PKIA: variants seen among roughly 807,000 people sequenced by gnomAD.
PKIA encodes PKI-alpha.
Under a neutral mutation model 7.6 loss-of-function variants are expected in PKIA, and 4 were observed. The observed-to-expected ratio is 0.52, with a 90% confidence interval of 0.26 to 1.20. The LOEUF (loss-of-function observed/expected upper bound fraction) is 1.20. Among genes scored for constraint, PKIA ranks in the 50% most tolerant of loss-of-function variants. PKIA has a pLI of 0.13. For synonymous variants in PKIA, 21 were observed against 30.7 expected, an observed-to-expected ratio of 0.68 and a Z score of 1.04; for missense variants, 73 against 86.2, an observed-to-expected ratio of 0.85 and a Z score of 0.61.
intron 1 of PKIA, among the ~76,000 whole-genome samples, chr8:78,570,460 G>T (rs1807519270): frequency 1.3e-5 from 2 of 152,096 alleles, no homozygotes; most frequent in Non-Finnish European, 2.9e-5. Context: ...TTATATTAAT[G>T]AACTATTAAC....
intron 1 of PKIA, among the ~76,000 whole-genome samples, chr8:78,529,116 A>G (rs1806330162): frequency 1.3e-5 from 2 of 152,070 alleles, no homozygotes; most frequent in Admixed American, 1.3e-4. Context: ...ATAACATACC[A>G]TGATATAGCT....
At chr8:78,540,383 AG>A (rs932861923) in intron 1 of PKIA, among the ~76,000 whole-genome samples, 3 of 152,012 alleles carry the variant, frequency 2.0e-5, no homozygotes, top group African/African-American at 7.2e-5. Flanking sequence ...TTTGGATGGT[AG>A]TATTTAGCTT....
At chr8:78,552,179 T>C (rs990162875) in intron 1 of PKIA, among the ~76,000 whole-genome samples, 1 of 152,016 alleles carries the variant, frequency 6.6e-6, no homozygotes, top group Non-Finnish European at 1.5e-5. Context: ...ATGATACTTA[T>C]TTTCAAAACA....
At chr8:78,601,193 C>A (rs951120080) in intron 3 of PKIA, among the ~76,000 whole-genome samples, 1 of 152,058 alleles carries the variant, frequency 6.6e-6, no homozygotes, top group African/African-American at 2.4e-5. Flanking sequence ...AACTATTTGA[C>A]AAGGGACTGG....
chr8:78,551,074 C>T (rs1242133149), intron 1 of PKIA, among the ~76,000 whole-genome samples: 1 of 151,712 alleles, frequency 6.6e-6, no homozygotes, highest in African/African-American at 2.4e-5. Context: ...TACAGTAATG[C>T]CCCTCACCTC....
intron 1 of PKIA, among the ~76,000 whole-genome samples, chr8:78,550,688 G>A (rs1054446588): frequency 6.6e-6 from 1 of 151,912 alleles, no homozygotes; most frequent in African/African-American, 2.4e-5. Context: ...AGGTTTTTGG[G>A]AGAACATGTG....
In PKIA at chr8:78,604,968, A is replaced by T. The variant is rs1256657506; in HGVS notation, c.*3147A>T. ...TGGTAATGCACCATTTTAGAAGATG[A>T]ATGATACTGCTATTTCTCTTCAGGG... On this transcript the variant is annotated 3_prime_UTR_variant, in exon 4 of 4. Transcript: ENST00000396418. The T allele has an allele frequency of 6.6e-6, 1 of 152,058 alleles. No homozygotes were observed. Among genetic ancestry groups the T allele is most frequent in the Non-Finnish European group, 1.5e-5 (1 of 67,982 alleles). The allele number at this position is 152,058 out of a possible 1,614,324, so 9.4% of individuals were successfully genotyped here. A position where few individuals can be genotyped will look rare whatever the true frequency, so the allele number is the denominator to read the frequency against.
In PKIA at chr8:78,598,364, C is replaced by T. The variant is rs763716355; in HGVS notation, c.-21C>T. Reference sequence around the variant, plus strand: ...ATTTTCCTTTCTTTTGTAGTCCCTGCTATGTGGATATTTGGTAGCAATGAC... The same window carrying T: ...ATTTTCCTTTCTTTTGTAGTCCCTGTTATGTGGATATTTGGTAGCAATGAC... On this transcript the variant is annotated 5_prime_UTR_variant, in exon 3 of 4. Transcript: ENST00000396418. 42 of 1,598,698 alleles carry T rather than the reference C, an allele frequency of 2.6e-5. No individual in the cohort carries two copies. The South Asian group carries it at 4.6e-4, about 17-fold the overall frequency.
At chr8:78,520,124 T>C (rs1809389195) in intron 1 of PKIA, among the ~76,000 whole-genome samples, 1 of 152,222 alleles carries the variant, frequency 6.6e-6, no homozygotes, top group Non-Finnish European at 1.5e-5. Flanking sequence ...TTCAGCAATT[T>C]GATTTTAGTG....
At chr8:78,517,168 C>T (rs545764666) in intron 1 of PKIA, among the ~76,000 whole-genome samples, 1 of 152,294 alleles carries the variant, frequency 6.6e-6, no homozygotes, top group South Asian at 2.1e-4. Context: ...CTGATTTTGT[C>T]AAGGTCCCAA....
rs1563565671 is a variant in PKIA, at chr8:78,524,060, A to ATATATATTAATATATATAAACG, written c.-157+7593_-157+7594insATATATTAATATATATAAACGT. ...TTTATATATATAAATATATATAAAC[A>ATATATATTAATATATATAAACG]TTTATATTTATATATAAATATAAAT... On this transcript the variant is annotated intron_variant, in intron 1 of 3. Transcript: ENST00000396418. 4.9e-4 allele frequency among the ~76,000 whole-genome samples: 40 copies of ATATATATTAATATATATAAACG among 82,120 alleles called. 6 individuals are homozygous for ATATATATTAATATATATAAACG. The highest frequency in any genetic ancestry group is 3.0e-3 in the African/African-American group (38 of 12,538). The allele number at this position is 82,120 out of a possible 152,430, so 53.9% of individuals were successfully genotyped here.
At chr8:78,533,684 C>A (rs1225762065) in intron 1 of PKIA, among the ~76,000 whole-genome samples, 1 of 151,954 alleles carries the variant, frequency 6.6e-6, no homozygotes, top group Non-Finnish European at 1.5e-5. Context: ...AGCAAGACCC[C>A]ATCTCTACAA....
chr8:78,545,594 G>T (rs1297306262), intron 1 of PKIA, among the ~76,000 whole-genome samples: 2 of 152,074 alleles, frequency 1.3e-5, no homozygotes, highest in African/African-American at 2.4e-5. Flanking sequence ...ATACTAATAT[G>T]ATACCAGTCT....
chr8:78,593,607 G>A (rs1268232960), intron 2 of PKIA, among the ~76,000 whole-genome samples: 2 of 152,160 alleles, frequency 1.3e-5, no homozygotes, highest in Admixed American at 6.6e-5. Context: ...TTGGTTAATG[G>A]TAATGCATAT....
intron 1 of PKIA, among the ~76,000 whole-genome samples, chr8:78,540,012 T>A: frequency 6.6e-6 from 1 of 150,618 alleles, no homozygotes; most frequent in African/African-American, 2.4e-5. Flanking sequence ...TTCATTGGGG[T>A]CAAGAAGAAA....
chr8:78,551,742 C>G (rs1163011889), intron 1 of PKIA, among the ~76,000 whole-genome samples: 2 of 151,958 alleles, frequency 1.3e-5, no homozygotes, highest in South Asian at 2.1e-4. Flanking sequence ...GAACCTTCAG[C>G]AATTAAATTC....
chr8:78,536,514 G>C (rs1806527375), intron 1 of PKIA, among the ~76,000 whole-genome samples: 1 of 152,062 alleles, frequency 6.6e-6, no homozygotes, highest in Non-Finnish European at 1.5e-5. Flanking sequence ...GTCTTTATTT[G>C]TGATAGTCCA....
At chr8:78,537,933 G>A (rs78783838) in intron 1 of PKIA, among the ~76,000 whole-genome samples, 5 of 151,956 alleles carry the variant, frequency 3.3e-5, no homozygotes, top group Admixed American at 6.6e-5. Context: ...AGGTTCACTT[G>A]TGAACCTTCT....
chr8:78,572,537 GCACGCA>G lies in PKIA; in HGVS notation c.-156-270_-156-265del, dbSNP rs1366484943. ...CCACCACCCCATCACAAAAAAAGCT[GCACGCA>G]CACACACACACACACACACACACAC... On this transcript the variant is annotated intron_variant, in intron 1 of 3. Transcript: ENST00000396418. 6.0e-3 allele frequency among the ~76,000 whole-genome samples: 692 copies of G among 115,636 alleles called. 4 individuals carry two copies. The highest frequency in any genetic ancestry group is 0.024 in the African/African-American group (634 of 26,030). 75.9% of individuals were successfully genotyped at this position (115,636 alleles called of 152,430 possible).
Sources: allele counts gnomAD v4.1 joint callset (sites outside exome capture counted in the v4.1 genomes callset), GRCh38; gene constraint gnomAD v4.1.1; transcripts MANE v1.5; gene names NCBI Gene and HGNC (gene_info 2026-07-23, HGNC 2026-07-21).